Variants in FRY observed in about 807,000 individuals in gnomAD.
The protein encoded by FRY is FRY microtubule binding protein, also known as protein furry homolog.
Under a neutral mutation model 348.4 loss-of-function variants are expected in FRY, and 128 were observed. The observed-to-expected ratio is 0.37, with a 90% confidence interval of 0.32 to 0.43. FRY has a LOEUF of 0.43. Ranked by LOEUF, FRY falls within the 20% of genes least tolerant of loss-of-function variation. The probability of loss-of-function intolerance (pLI) is 1.00; values close to 1 mark genes in which losing one functional copy is unlikely to be tolerated. For synonymous variants in FRY, 1,370 were observed against 1,374.7 expected (o/e 1.00, Z 0.08); for missense variants, 2,736 against 3,695.2 (o/e 0.74, Z 6.73).
Position 32,147,346 on chromosome 13 carries a change from T to C in FRY, c.1244T>C (p.Met415Thr). 1 of 1,611,638 alleles carries C rather than the reference T, an allele frequency of 6.2e-7. No homozygotes were observed. Among genetic ancestry groups the C allele is most frequent in the Non-Finnish European group, 8.5e-7 (1 of 1,177,728 alleles). Residue 415 changes from methionine to threonine, a missense_variant, in exon 12 of 61, where the codon ATG becomes ACG. Physicochemically the swap from Met to Thr is moderately conservative, Grantham distance 81. Coordinates refer to ENST00000542859, the MANE Select transcript of FRY (RefSeq NM_023037.3). ...ESLYRLLWVY[M>T]IRIKCESNTA... ...CTCTACAGATTACTTTGGGTTTACA[T>C]GATTCGAATTAAATGTGAAAGCAAC...
At chr13:32,240,673 C>T (rs1011731621) in intron 46 of FRY, among the ~76,000 whole-genome samples, 1 of 152,200 alleles carries the variant, frequency 6.6e-6, no homozygotes, top group Non-Finnish European at 1.5e-5. Context: ...TACACAAGGT[C>T]ATGAAATCTA....
At chr13:32,206,334 A>C (rs545789192) in intron 31 of FRY, among the ~76,000 whole-genome samples, 3 of 152,356 alleles carry the variant, frequency 2.0e-5, no homozygotes, top group African/African-American at 7.2e-5. Context: ...AAAGAGATTT[A>C]GAAGGAGAGA....
In FRY at chr13:32,211,004, G is replaced by T. The variant is rs1250111648; in HGVS notation, c.4561G>T (p.Ala1521Ser). 2 of 1,613,966 alleles carry T rather than the reference G, an allele frequency of 1.2e-6. No individual in the cohort carries two copies. The highest frequency in any genetic ancestry group is 1.7e-5 in the Admixed American group (1 of 60,012). ...CAACCCGCCCTTCTACCGCTTCACG[G>T]CCAGTAGCAAGGCTTCCGCAGCAGC... Reference protein sequence around the residue: ...CDNPPFYRFTASSKASAAASG... With the variant: ...CDNPPFYRFTSSSKASAAASG... The change falls in exon 34 of 61, where the codon GCC becomes TCC. Residue 1521 changes from alanine to serine, a missense_variant. Coordinates refer to ENST00000542859, the MANE Select transcript of FRY (RefSeq NM_023037.3).
At chr13:32,218,661 G>A in intron 35 of FRY, 88 bp from the exon 36 acceptor site, 1 of 710,168 alleles carries the variant, frequency 1.4e-6, no homozygotes, top group South Asian at 1.5e-5. Flanking sequence ...CCTGGTGACA[G>A]AGTGAGACTC....
At chr13:32,180,672 G>A (rs1882653533) in intron 23 of FRY, among the ~76,000 whole-genome samples, 1 of 152,074 alleles carries the variant, frequency 6.6e-6, no homozygotes, top group Non-Finnish European at 1.5e-5. Flanking sequence ...AAGAAACATT[G>A]TAAAATGTTA....
At position 32,052,032 on chromosome 13, in the gene FRY, G is replaced by T. The variant is rs569138222; in HGVS notation, c.70+20167G>T. On this transcript the variant is annotated intron_variant, in intron 1 of 60. Coordinates refer to ENST00000542859, the MANE Select transcript of FRY (RefSeq NM_023037.3). ...GAAATCTCTTTTATGATCTTTTGCT[G>T]CTCAACTTCTAGGAGGCAATCTGGT... 2.6e-5 allele frequency among the ~76,000 whole-genome samples: 4 copies of T among 152,286 alleles called. No homozygotes were observed. In the East Asian group the frequency reaches 7.7e-4, roughly 29 times the overall value.
intron 58 of FRY, among the ~76,000 whole-genome samples, chr13:32,284,398 A>G (rs1167198525): frequency 1.3e-5 from 2 of 152,212 alleles, no homozygotes; most frequent in African/African-American, 2.4e-5. Context: ...CTTTTCTCCA[A>G]TTAAGTTATA....
chr13:32,155,667 G>A lies in FRY; in HGVS notation c.1651+5G>A. 1.2e-6 allele frequency: 2 copies of A among 1,606,456 alleles called. No homozygotes were observed. The highest frequency in any genetic ancestry group is 2.2e-5 in the East Asian group (1 of 44,778). ...AAGAGGAAGCCAAAATGATAGGTGA[G>A]TTTCAGAAGTGCATAAGAACTAAGC... On this transcript the variant is annotated splice_donor_5th_base_variant and intron_variant, in intron 15 of 60. Coordinates refer to ENST00000542859, the MANE Select transcript of FRY (RefSeq NM_023037.3).
At chr13:32,032,355 T>C (rs570540330) in intron 1 of FRY, among the ~76,000 whole-genome samples, 1 of 152,270 alleles carries the variant, frequency 6.6e-6, no homozygotes, top group Non-Finnish European at 1.5e-5. Flanking sequence ...GAAAAGTATT[T>C]AATAGTCCAA....
Position 32,182,974 on chromosome 13 carries a change from C to A in FRY, c.2997-3C>A. 6.3e-7 allele frequency: 1 copy of A among 1,592,832 alleles called. No individual in the cohort carries two copies. ...TTTCAAATTTGACCTTTTTCCTCCA[C>A]AGAGAATTGGTAGAAGAACTTCATC... On this transcript the variant is annotated splice_region_variant and splice_polypyrimidine_tract_variant and intron_variant, in intron 23 of 60. Coordinates refer to ENST00000542859, the MANE Select transcript of FRY (RefSeq NM_023037.3).
intron 55 of FRY, among the ~76,000 whole-genome samples, chr13:32,270,943 T>A (rs1888172152): frequency 6.6e-6 from 1 of 152,212 alleles, no homozygotes. Context: ...ACACAGCTTC[T>A]AACTTCATGT....
chr13:32,066,719 C>T (rs941587057), intron 1 of FRY, among the ~76,000 whole-genome samples: 5 of 152,132 alleles, frequency 3.3e-5, no homozygotes, highest in South Asian at 4.1e-4. Context: ...CTTTTTCTCC[C>T]AATTTACACA....
At chr13:32,112,064 G>C (rs941981275) in intron 3 of FRY, among the ~76,000 whole-genome samples, 4 of 152,164 alleles carry the variant, frequency 2.6e-5, no homozygotes, top group Admixed American at 6.5e-5. Flanking sequence ...AAGTTGCAAG[G>C]GTTCTAATGA....
At chr13:32,253,846 A>G (rs992420363) in intron 50 of FRY, among the ~76,000 whole-genome samples, 2 of 152,190 alleles carry the variant, frequency 1.3e-5, no homozygotes, top group East Asian at 3.8e-4. Context: ...ATTTATGTGT[A>G]TTTGATATAT....
At chr13:32,096,782 GAC>G (rs1368323574) in intron 2 of FRY, among the ~76,000 whole-genome samples, 3 of 107,860 alleles carry the variant, frequency 2.8e-5, no homozygotes, top group Non-Finnish European at 5.1e-5. Context: ...CAGCCTGGGT[GAC>G]AGAGCAAGAC....
chr13:32,045,588 G>C (rs1194075030), intron 1 of FRY, among the ~76,000 whole-genome samples: 1 of 152,184 alleles, frequency 6.6e-6, no homozygotes. Context: ...CGTGAACTGG[G>C]AGTGATCATC....
chr13:32,265,541 G>C lies in FRY; in HGVS notation c.7871G>C (p.Ser2624Thr). The change falls in exon 54 of 61, where the codon AGC (serine) becomes ACC (threonine). Residue 2624 changes from serine to threonine, a missense_variant. Ser to Thr is a moderately conservative substitution (Grantham distance 58, BLOSUM62 1). Around this residue, in one of 9 missense-constraint regions of FRY, gnomAD observed 789 missense variants for 996.2 expected, o/e 0.79. Transcript: ENST00000542859. Reference protein sequence around the residue: ...INELPAAFECSDSFSLDMTEG... With the variant: ...INELPAAFECTDSFSLDMTEG... ...GAACTCCCAGCAGCTTTTGAATGCA[G>C]CGACAGCTTTAGCCTGGACATGACT... 6.2e-7 allele frequency: 1 copy of C among 1,614,194 alleles called. No individual in the cohort carries two copies. The highest frequency in any genetic ancestry group is 8.5e-7 in the Non-Finnish European group (1 of 1,180,024).
intron 27 of FRY, 81 bp from the exon 28 acceptor site, chr13:32,187,465 A>G (rs1430919366): frequency 8.4e-6 from 7 of 830,254 alleles, no homozygotes; most frequent in African/African-American, 5.0e-5. Flanking sequence ...AATTCTGACA[A>G]TTATGGTTTA....
At chr13:32,201,912 T>C in intron 29 of FRY, 29 bp from the exon 30 acceptor site, 1 of 1,217,486 alleles carries the variant, frequency 8.2e-7, no homozygotes, top group Non-Finnish European at 1.2e-6. Context: ...AAACCATGCT[T>C]TTTTTGTTTT....
Sources: allele counts gnomAD v4.1 joint callset (sites outside exome capture counted in the v4.1 genomes callset), GRCh38; gene constraint gnomAD v4.1.1; regional missense constraint gnomAD v4.1.1; transcripts MANE v1.5; gene names NCBI Gene and HGNC (gene_info 2026-07-23, HGNC 2026-07-21).